RELN: variants seen among roughly 807,000 people sequenced by gnomAD.
RELN encodes the protein reelin.
Under a neutral mutation model 427.6 loss-of-function variants are expected in RELN, and 108 were observed. The ratio of observed to expected loss-of-function variants is 0.25; its 90% CI spans 0.22 to 0.30. The LOEUF is 0.30. Among genes scored for constraint, RELN ranks in the 10% least tolerant of loss-of-function variants. RELN has a pLI of 1.00. For synonymous variants in RELN, 1,524 were observed against 1,513.4 expected, an observed-to-expected ratio of 1.01 and a Z score of -0.16; for missense variants, 3,715 against 4,302.8, an observed-to-expected ratio of 0.86 and a Z score of 3.82.
chr7:103,792,723 T>C (rs923587617), intron 3 of RELN, among the ~76,000 whole-genome samples: 19 of 152,084 alleles, frequency 1.2e-4, no homozygotes, highest in Admixed American at 5.2e-4. Flanking sequence ...TTTTAGTATA[T>C]CTGTGGATAT....
At chr7:103,776,666 A>G in intron 3 of RELN, 39 bp from the exon 4 acceptor site, 1 of 1,596,676 alleles carries the variant, frequency 6.3e-7, no homozygotes, top group Non-Finnish European at 8.6e-7. Flanking sequence ...AACTCTTGTA[A>G]TATGTTTGGT....
At chr7:103,658,668 C>T (rs886393035) in intron 12 of RELN, among the ~76,000 whole-genome samples, 1 of 151,904 alleles carries the variant, frequency 6.6e-6, no homozygotes, top group South Asian at 2.1e-4. Flanking sequence ...TTGAAGTAGC[C>T]ATCCTCCTCT....
intron 8 of RELN, among the ~76,000 whole-genome samples, chr7:103,706,244 C>T (rs550374250): frequency 6.6e-6 from 1 of 151,408 alleles, no homozygotes; most frequent in Admixed American, 6.6e-5. Context: ...AAAGGAGCTG[C>T]TCTGAGAGCA....
intron 2 of RELN, among the ~76,000 whole-genome samples, chr7:103,916,504 G>C (rs1200106850): frequency 1.3e-5 from 2 of 152,166 alleles, no homozygotes; most frequent in African/African-American, 4.8e-5. Context: ...ACTCCTCTGA[G>C]ATTAATGGAC....
intron 3 of RELN, among the ~76,000 whole-genome samples, chr7:103,825,286 C>G (rs1793108223): frequency 1.3e-5 from 2 of 151,972 alleles, no homozygotes; most frequent in South Asian, 4.1e-4. Context: ...AGGCATGGGG[C>G]AGACAGAGGA....
chr7:103,476,764 A>AC (rs1828049464), intron 64 of RELN: 1 of 383,590 alleles, frequency 2.6e-6, no homozygotes, highest in Non-Finnish European at 5.4e-6. Context: ...GGAATTTTTA[A>AC]CATTTATCTT....
At chr7:103,616,945 T>C (rs1006932325) in intron 20 of RELN, among the ~76,000 whole-genome samples, 10 of 152,192 alleles carry the variant, frequency 6.6e-5, no homozygotes, top group African/African-American at 2.2e-4. Context: ...TTAAAGCAAA[T>C]ACACACTTAA....
At chr7:103,687,011 ATTT>A (rs1015495865) in intron 10 of RELN, among the ~76,000 whole-genome samples, 29 of 152,126 alleles carry the variant, frequency 1.9e-4, no homozygotes, top group Admixed American at 1.7e-3. Flanking sequence ...TGGTGAGTGA[ATTT>A]TATGGAGCTT....
At chr7:103,505,038 G>A (rs746456720) in intron 51 of RELN, among the ~76,000 whole-genome samples, 7 of 152,154 alleles carry the variant, frequency 4.6e-5, no homozygotes, top group Non-Finnish European at 8.8e-5. Flanking sequence ...TCTGGGCAGG[G>A]CATCTCTGAA....
intron 19 of RELN, among the ~76,000 whole-genome samples, chr7:103,633,504 G>A (rs575125591): frequency 3.3e-5 from 5 of 151,250 alleles, no homozygotes; most frequent in East Asian, 1.9e-4. Context: ...AAATTAAGGC[G>A]TTTTTGCTAC....
At chr7:103,882,197 A>T (rs1317523184) in intron 2 of RELN, among the ~76,000 whole-genome samples, 4 of 152,210 alleles carry the variant, frequency 2.6e-5, no homozygotes, top group African/African-American at 9.6e-5. Context: ...GCAACTTTCC[A>T]ATCTAAATCT....
rs149925383 is a variant in RELN, at chr7:103,498,223, T to C, written c.8697A>G (p.Glu2899=). 6.2e-7 allele frequency: 1 copy of C among 1,614,046 alleles called. No individual in the cohort carries two copies. The highest frequency in any genetic ancestry group is 8.5e-7 in the Non-Finnish European group (1 of 1,179,966). ...KTFLKERFDS[E]EIKPDLWMSL... is the part of the protein sequence containing the mutation. ...ACATCCATAAGTCAGGTTTGATTTC[T>C]TCACTGTCAAAGCGTTCCTTCAGGA... The change falls in exon 54 of 65, where the codon GAA becomes GAG. Residue 2899 remains glutamate (E), a synonymous_variant. Transcript: ENST00000428762.
In RELN at chr7:103,611,995, A is replaced by T. The variant is rs2299345; in HGVS notation, c.2703-192T>A. 0.54 allele frequency among the ~76,000 whole-genome samples: 81,807 copies of T among 152,044 alleles called. 22,495 individuals carry two copies. The highest frequency in any genetic ancestry group is 0.63 in the African/African-American group (26,074 of 41,456). On this transcript the variant is annotated intron_variant, in intron 20 of 64. Coordinates refer to ENST00000428762, the MANE Select transcript of RELN (RefSeq NM_005045.4). Reference sequence around the variant, plus strand: ...AAGCTTTCAAAGATGAAACTTTTTTAAAAAAGTTAACATCTACAGTTGTCA... The same window carrying T: ...AAGCTTTCAAAGATGAAACTTTTTTTAAAAAGTTAACATCTACAGTTGTCA...
At chr7:103,737,410 T>C (rs1790521603) in intron 6 of RELN, among the ~76,000 whole-genome samples, 1 of 152,248 alleles carries the variant, frequency 6.6e-6, no homozygotes, top group Non-Finnish European at 1.5e-5. Flanking sequence ...AATCCACTTA[T>C]ATTGTAGTTC....
intron 3 of RELN, among the ~76,000 whole-genome samples, chr7:103,804,992 A>G (rs905118665): frequency 1.3e-5 from 2 of 152,122 alleles, no homozygotes; most frequent in African/African-American, 4.8e-5. Context: ...AAATAATTTA[A>G]TATCTAATCG....
intron 12 of RELN, among the ~76,000 whole-genome samples, chr7:103,661,053 G>A (rs1833129319): frequency 6.6e-6 from 1 of 152,052 alleles, no homozygotes; most frequent in African/African-American, 2.4e-5. Flanking sequence ...GGGGAAGCTG[G>A]GAAAAAGAAA....
intron 1 of RELN, among the ~76,000 whole-genome samples, chr7:103,956,911 G>A (rs994138983): frequency 6.6e-6 from 1 of 152,142 alleles, no homozygotes; most frequent in African/African-American, 2.4e-5. Flanking sequence ...AGCAGGGGAT[G>A]AATGGATATT....
At position 103,788,758 on chromosome 7, in the gene RELN, C is replaced by T. The variant is rs866992753; in HGVS notation, c.474-12131G>A. On this transcript the variant is annotated intron_variant, in intron 3 of 64. Transcript: ENST00000428762. Reference sequence around the variant, plus strand: ...AATCAATATCGTGAAAATATACTGCCCAAAGTAATTTATAGATTCAATGCT... The same window carrying T: ...AATCAATATCGTGAAAATATACTGCTCAAAGTAATTTATAGATTCAATGCT... Among the ~76,000 whole-genome samples, 8 of 152,176 alleles carry T rather than the reference C, an allele frequency of 5.3e-5. 2 individuals are homozygous for T. The Middle Eastern group carries it at 0.024, about 456-fold the overall frequency.
At chr7:103,938,873 G>A (rs751135843) in intron 1 of RELN, among the ~76,000 whole-genome samples, 2 of 151,880 alleles carry the variant, frequency 1.3e-5, no homozygotes, top group Non-Finnish European at 2.9e-5. Flanking sequence ...GATCATGAAG[G>A]GAAAACTTAT....
Sources: allele counts gnomAD v4.1 joint callset (sites outside exome capture counted in the v4.1 genomes callset), GRCh38; gene constraint gnomAD v4.1.1; transcripts MANE v1.5; gene names NCBI Gene and HGNC (gene_info 2026-07-23, HGNC 2026-07-21).